The following IL1RAP variants were observed in gnomAD, a reference collection of about 807,000 sequenced individuals.
IL1RAP encodes the protein interleukin 1 receptor accessory protein.
In IL1RAP, 35 loss-of-function variants were observed where a neutral mutation model predicts 60.7. The observed-to-expected ratio is 0.58, with a 90% CI of 0.44 to 0.76. The LOEUF (loss-of-function observed/expected upper bound fraction) is 0.76, where lower values mean the gene tolerates loss of function less well. Among genes scored for constraint, IL1RAP ranks in the 30% least tolerant of loss-of-function variants. The pLI, the probability that IL1RAP is intolerant of heterozygous loss-of-function variation, is 0.00. For missense variants in IL1RAP, 572 were observed against 693.9 expected (o/e 0.82, Z 1.97); for synonymous variants, 268 against 250.9 (o/e 1.07, Z -0.64).
rs747163488 is a variant in IL1RAP, at chr3:190,627,402, T to C, written c.855T>C (p.Asp285=). 6 of 1,613,854 alleles carry C rather than the reference T, an allele frequency of 3.7e-6. No homozygotes were observed. Among genetic ancestry groups the C allele is most frequent in the Non-Finnish European group, 5.1e-6 (6 of 1,179,850 alleles). Residue 285 remains aspartate, a synonymous_variant, in exon 8 of 12, where the codon GAT becomes GAC. Coordinates refer to ENST00000447382, the MANE Select transcript of IL1RAP (RefSeq NM_002182.4). The part of the protein sequence containing the change: ...DSRNEVWWTI[D]GKKPDDITID... ...GCAATGAGGTTTGGTGGACCATTGATGGAAAAAAACCTGATGACATCACTA... is the reference window on the plus strand; with the variant it reads ...GCAATGAGGTTTGGTGGACCATTGACGGAAAAAAACCTGATGACATCACTA...
intron 2 of IL1RAP, 180 bp from the exon 3 acceptor site, chr3:190,564,109 A>G (rs41268631): frequency 0.017 from 9,843 of 569,544 alleles, 140 homozygotes; most frequent in Non-Finnish European, 0.023. Flanking sequence ...AAACAACAAA[A>G]AAACAGAAAC....
chr3:190,528,445 A>G (rs1722693262), intron 1 of IL1RAP, among the ~76,000 whole-genome samples: 1 of 152,248 alleles, frequency 6.6e-6, no homozygotes, highest in South Asian at 2.1e-4. Flanking sequence ...TATGGCTGCT[A>G]TAGAAACAGT....
At chr3:190,639,165 T>C (rs956895570) in intron 9 of IL1RAP, among the ~76,000 whole-genome samples, 3 of 152,164 alleles carry the variant, frequency 2.0e-5, no homozygotes, top group African/African-American at 7.2e-5. Flanking sequence ...TTTATATTTT[T>C]CCTTTACTGT....
chr3:190,549,361 GA>G (rs1724659781), intron 1 of IL1RAP, among the ~76,000 whole-genome samples: 1 of 152,124 alleles, frequency 6.6e-6, no homozygotes, highest in Non-Finnish European at 1.5e-5. Flanking sequence ...TAAGGATAAG[GA>G]TAAAGATGGA....
intron 9 of IL1RAP, among the ~76,000 whole-genome samples, chr3:190,634,733 T>TTTA (rs1733075242): frequency 6.7e-6 from 1 of 148,390 alleles, no homozygotes; most frequent in African/African-American, 2.6e-5. Flanking sequence ...TTGTTTTTTT[T>TTTA]GAGAAGGAGT....
At chr3:190,658,085 CTCAGT>C (rs1256702074) in exon 12 of IL1RAP, 3 of 151,480 alleles carry the variant, frequency 2.0e-5, no homozygotes, top group Non-Finnish European at 4.4e-5. Context: ...GTAGCTTCTA[CTCAGT>C]TCCATTTGAT....
chr3:190,648,029 A>G (rs974587183), intron 11 of IL1RAP, among the ~76,000 whole-genome samples: 15 of 151,932 alleles, frequency 9.9e-5, no homozygotes, highest in African/African-American at 3.1e-4. Flanking sequence ...TAATGTGTCT[A>G]CTCCTTGTGT....
intron 1 of IL1RAP, among the ~76,000 whole-genome samples, chr3:190,516,636 A>G (rs1721546794): frequency 6.6e-6 from 1 of 152,176 alleles, no homozygotes; most frequent in African/African-American, 2.4e-5. Context: ...GACCTACTTG[A>G]TTTCAAATTC....
intron 3 of IL1RAP, among the ~76,000 whole-genome samples, chr3:190,593,708 C>G (rs1170886172): frequency 6.6e-6 from 1 of 152,072 alleles, no homozygotes; most frequent in African/African-American, 2.4e-5. Flanking sequence ...AGGAAAGACC[C>G]ACCCCCATGA....
intron 3 of IL1RAP, among the ~76,000 whole-genome samples, chr3:190,580,260 G>T (rs143026229): frequency 5.6e-4 from 86 of 152,264 alleles, no homozygotes; most frequent in Middle Eastern, 6.8e-3. Context: ...CATCTCCTGT[G>T]AGTATCTCAT....
At chr3:190,575,395 A>C (rs1727349611) in intron 3 of IL1RAP, among the ~76,000 whole-genome samples, 1 of 152,228 alleles carries the variant, frequency 6.6e-6, no homozygotes. Flanking sequence ...TACTTGAAGA[A>C]CGTAAGTAAA....
Position 190,623,411 on chromosome 3 carries a change from A to G in IL1RAP, c.771A>G (p.Glu257=), listed in dbSNP as rs779597870. ...ATGATCATGTGGTCTATGAGAAAGA[A>G]CCAGGTAATTACAGCTATGTCTCTG... ...SPNDHVVYEK[E]PGEELLIPCT... Residue 257 remains glutamate, a synonymous_variant, in exon 7 of 12, where the codon GAA becomes GAG. Transcript: ENST00000447382. 1.7e-5 allele frequency: 27 copies of G among 1,608,014 alleles called. No individual in the cohort carries two copies. Among genetic ancestry groups the G allele is most frequent in the Non-Finnish European group, 2.3e-5 (27 of 1,174,564 alleles).
At position 190,604,321 on chromosome 3, in the gene IL1RAP, C is replaced by T; in HGVS notation, c.258C>T (p.Arg86=). Residue 86 remains arginine (R), a synonymous_variant, in exon 4 of 12, where the codon CGC becomes CGT. Coordinates refer to ENST00000447382, the MANE Select transcript of IL1RAP (RefSeq NM_002182.4). ...ACCTTGAGGAGCCAATTAACTTCCG[C>T]CTCCCCGAGAACCGCATTAGTAAGG... The part of the protein sequence containing the change: ...DRDLEEPINF[R]LPENRISKEK... 6.2e-7 allele frequency: 1 copy of T among 1,613,982 alleles called. No individual in the cohort carries two copies. Among genetic ancestry groups the T allele is most frequent in the Non-Finnish European group, 8.5e-7 (1 of 1,179,990 alleles).
At chr3:190,555,337 C>G (rs1262625574) in intron 1 of IL1RAP, among the ~76,000 whole-genome samples, 9 of 124,478 alleles carry the variant, frequency 7.2e-5, no homozygotes, top group Non-Finnish European at 1.7e-5. Flanking sequence ...TCCCTACTCT[C>G]AGGTGCTTTG....
intron 3 of IL1RAP, among the ~76,000 whole-genome samples, chr3:190,572,859 G>GTTTTTTTT (rs1200775636): frequency 0.03 from 1,159 of 39,016 alleles, 339 homozygotes; most frequent in East Asian, 0.096. Context: ...TTAATGCTTT[G>GTTTTTTTT]TTTTTTTTTT....
At chr3:190,623,163 T>C (rs945227806) in intron 6 of IL1RAP, among the ~76,000 whole-genome samples, 181 bp from the exon 7 acceptor site, 1 of 152,256 alleles carries the variant, frequency 6.6e-6, no homozygotes, top group African/African-American at 2.4e-5. Flanking sequence ...TCCTTTATTT[T>C]ATGCTTTGCT....
chr3:190,651,850 G>A (rs1734416073), downstream of IL1RAP, among the ~76,000 whole-genome samples: 1 of 150,186 alleles, frequency 6.7e-6, no homozygotes, highest in African/African-American at 2.5e-5. Flanking sequence ...AAGATGGAAA[G>A]ATACAGAGAG....
intron 9 of IL1RAP, chr3:190,630,111 A>G (rs376706101): frequency 1.3e-5 from 10 of 763,448 alleles, no homozygotes; most frequent in African/African-American, 3.8e-5. Context: ...TTTAAACACT[A>G]TGTATCAATA....
intron 5 of IL1RAP, among the ~76,000 whole-genome samples, chr3:190,612,161 T>G (rs901089557): frequency 6.6e-6 from 1 of 152,130 alleles, no homozygotes; most frequent in Non-Finnish European, 1.5e-5. Context: ...GTGCATGAAA[T>G]AAGACATAGT....
Sources: gnomAD v4.1 joint callset for allele counts (sites outside exome capture counted in the v4.1 genomes callset) on GRCh38, gnomAD v4.1.1 for gene constraint, MANE v1.5 for transcripts, NCBI Gene and HGNC (gene_info 2026-07-23, HGNC 2026-07-21) for gene names.